CAMK2D: variants seen among roughly 807,000 people sequenced by gnomAD.
The protein encoded by CAMK2D is calcium/calmodulin-dependent protein kinase type II subunit delta.
Under a neutral mutation model 84.0 loss-of-function variants are expected in CAMK2D, and 37 were observed. The ratio of observed to expected loss-of-function variants is 0.44; its 90% CI spans 0.34 to 0.58. The LOEUF (loss-of-function observed/expected upper bound fraction) is 0.58. Among genes scored for constraint, CAMK2D ranks in the 20% least tolerant of loss-of-function variants. CAMK2D has a pLI of 0.02. For missense variants in CAMK2D, 448 were observed against 652.5 expected (o/e 0.69, Z 3.41); for synonymous variants, 202 against 212.5 (o/e 0.95, Z 0.43).
intron 16 of CAMK2D, among the ~76,000 whole-genome samples, chr4:113,485,662 T>G (rs1267360956): frequency 6.6e-6 from 1 of 152,214 alleles, no homozygotes; most frequent in Non-Finnish European, 1.5e-5. Flanking sequence ...TGCTTAAAAC[T>G]TTCTGATATT....
Position 113,701,200 on chromosome 4 carries a change from A to G in CAMK2D, c.161-39428T>C, listed in dbSNP as rs2099416470. ...GTCCCCAGGATAAAGCCTTTTGGGC[A>G]ATCTTATAGCTTATCATTTCAAACG... On this transcript the variant is annotated intron_variant, in intron 2 of 20. Coordinates refer to ENST00000511664, the MANE Select transcript of CAMK2D (RefSeq NM_001321571.2). 1.3e-5 allele frequency among the ~76,000 whole-genome samples: 2 copies of G among 152,244 alleles called. 1 individual carries two copies. Among genetic ancestry groups the G allele is most frequent in the South Asian group, 4.1e-4 (2 of 4,822 alleles).
intron 16 of CAMK2D, among the ~76,000 whole-genome samples, chr4:113,481,121 G>A (rs1381391236): frequency 6.6e-6 from 1 of 152,136 alleles, no homozygotes. Flanking sequence ...CCTAAATTAT[G>A]GAGCGAGGTA....
chr4:113,510,070 C>T (rs774880317), intron 12 of CAMK2D, among the ~76,000 whole-genome samples: 2 of 152,162 alleles, frequency 1.3e-5, no homozygotes, highest in Non-Finnish European at 2.9e-5. Flanking sequence ...TTCATTCACA[C>T]CACATATGGT....
chr4:113,668,561 T>C lies in CAMK2D; in HGVS notation c.161-6789A>G, dbSNP rs1362981217. Reference sequence around the variant, plus strand: ...AAATTCCTAAAAGCTACATTAAAAATTATATTAATTCCATAAAAATTATTT... The same window carrying C: ...AAATTCCTAAAAGCTACATTAAAAACTATATTAATTCCATAAAAATTATTT... On this transcript the variant is annotated intron_variant, in intron 2 of 20. Coordinates refer to ENST00000511664, the MANE Select transcript of CAMK2D (RefSeq NM_001321571.2). Among the ~76,000 whole-genome samples the C allele has an allele frequency of 2.0e-5, 3 of 152,192 alleles. No homozygotes were observed. In the East Asian group the frequency reaches 5.8e-4, roughly 29 times the overall value.
chr4:113,656,283 CG>C (rs1401305451), intron 3 of CAMK2D, among the ~76,000 whole-genome samples: 1 of 152,088 alleles, frequency 6.6e-6, no homozygotes, highest in East Asian at 1.9e-4. Context: ...TCTTTAAAAA[CG>C]GGCTGTACTC....
Position 113,630,669 on chromosome 4 carries a change from T to G in CAMK2D, c.221-21463A>C, listed in dbSNP as rs968771232. Among the ~76,000 whole-genome samples the G allele has an allele frequency of 2.0e-5, 3 of 152,172 alleles. No homozygotes were observed. The East Asian group carries it at 5.8e-4, about 29-fold the overall frequency. On this transcript the variant is annotated intron_variant, in intron 3 of 20. Transcript: ENST00000511664. Reference sequence around the variant, plus strand: ...TCATATCAAAAATTAAATATACTGCTGACTCCTCAAACCACAGCCCTCGAC... The same window carrying G: ...TCATATCAAAAATTAAATATACTGCGGACTCCTCAAACCACAGCCCTCGAC...
chr4:113,761,376 G>T lies in CAMK2D; in HGVS notation c.-308C>A. 7.6e-7 allele frequency: 1 copy of T among 1,322,140 alleles called. No homozygotes were observed. Among genetic ancestry groups the T allele is most frequent in the South Asian group, 1.6e-5 (1 of 62,174 alleles). The allele number at this position is 1,322,140 out of a possible 1,614,324, so 81.9% of individuals were successfully genotyped here. ...CAGTCCCTGTCCCCAAATGCAGGGG[G>T]TAAAGTACTCAAGAAGAGGGGGCCG... On this transcript the variant is annotated 5_prime_UTR_variant, in exon 1 of 21. Transcript: ENST00000511664.
intron 3 of CAMK2D, among the ~76,000 whole-genome samples, chr4:113,626,481 T>C (rs1272550043): frequency 2.0e-5 from 3 of 152,230 alleles, no homozygotes; most frequent in African/African-American, 4.8e-5. Flanking sequence ...AAATTCTGCA[T>C]TAAATAAAGT....
At chr4:113,759,552 C>A (rs2099636009) in intron 1 of CAMK2D, 138 bp from the exon 2 acceptor site, 1 of 438,582 alleles carries the variant, frequency 2.3e-6, no homozygotes, top group Non-Finnish European at 4.0e-6. Flanking sequence ...AACAATTCTT[C>A]CTGGAAACCC....
At chr4:113,555,393 A>C (rs2098657697) in intron 4 of CAMK2D, among the ~76,000 whole-genome samples, 1 of 152,138 alleles carries the variant, frequency 6.6e-6, no homozygotes, top group South Asian at 2.1e-4. Flanking sequence ...CAATCTTGCT[A>C]AGGTAGGACT....
At chr4:113,489,540 A>G (rs1450553846) in intron 16 of CAMK2D, among the ~76,000 whole-genome samples, 7 of 150,766 alleles carry the variant, frequency 4.6e-5, no homozygotes. Context: ...CCAGTCTATC[A>G]TTGTTGGACA....
At chr4:113,501,649 T>C (rs553020290) in intron 15 of CAMK2D, among the ~76,000 whole-genome samples, 1 of 152,224 alleles carries the variant, frequency 6.6e-6, no homozygotes, top group South Asian at 2.1e-4. Context: ...TCTTCATGCA[T>C]TTCTTAATGT....
At chr4:113,626,276 G>C (rs1220476887) in intron 3 of CAMK2D, among the ~76,000 whole-genome samples, 1 of 152,124 alleles carries the variant, frequency 6.6e-6, no homozygotes, top group Non-Finnish European at 1.5e-5. Flanking sequence ...ATCTAACGGA[G>C]AAATCAAGAA....
At chr4:113,715,218 A>T (rs1002978093) in intron 2 of CAMK2D, among the ~76,000 whole-genome samples, 2 of 152,056 alleles carry the variant, frequency 1.3e-5, no homozygotes, top group African/African-American at 4.8e-5. Context: ...ACTTTTGTTG[A>T]TATTGAAGAT....
chr4:113,718,233 ATTACTCAAAT>A (rs2099519469), intron 2 of CAMK2D, among the ~76,000 whole-genome samples: 1 of 152,154 alleles, frequency 6.6e-6, no homozygotes, highest in Non-Finnish European at 1.5e-5. Context: ...GAGTTTTATT[ATTACTCAAAT>A]CAGTCTTCCC....
intron 2 of CAMK2D, among the ~76,000 whole-genome samples, chr4:113,756,860 C>T (rs750226332): frequency 4.6e-5 from 7 of 152,000 alleles, no homozygotes; most frequent in East Asian, 1.9e-4. Flanking sequence ...GTTAAACAAA[C>T]GTATTCATTC....
intron 4 of CAMK2D, among the ~76,000 whole-genome samples, chr4:113,577,082 C>G (rs1440314624): frequency 6.6e-6 from 1 of 152,084 alleles, no homozygotes; most frequent in East Asian, 1.9e-4. Flanking sequence ...TCTCCTTCCC[C>G]TCCCCCCAGG....
chr4:113,471,288 T>C (rs919896419), intron 16 of CAMK2D, among the ~76,000 whole-genome samples: 3 of 152,202 alleles, frequency 2.0e-5, no homozygotes, highest in Non-Finnish European at 2.9e-5. Context: ...CCTTAGCCTC[T>C]TAATTATTTC....
intron 2 of CAMK2D, among the ~76,000 whole-genome samples, chr4:113,670,808 G>T (rs915474946): frequency 4.6e-5 from 7 of 151,606 alleles, no homozygotes; most frequent in Middle Eastern, 3.4e-3. Flanking sequence ...GGCGCCTGTT[G>T]TCCTGGCTAC....
Sources: allele counts gnomAD v4.1 joint callset (sites outside exome capture counted in the v4.1 genomes callset), GRCh38; gene constraint gnomAD v4.1.1; transcripts MANE v1.5; gene names NCBI Gene and HGNC (gene_info 2026-07-23, HGNC 2026-07-21).